IL7: variants seen among roughly 807,000 people sequenced by gnomAD.
IL7 encodes the protein interleukin 7, also known as interleukin-7.
Under a neutral mutation model 21.6 loss-of-function variants are expected in IL7, and 3 were observed. The observed-to-expected ratio is 0.14, with a 90% confidence interval of 0.06 to 0.36. IL7 has a LOEUF of 0.36. IL7 is among the 10% of genes least tolerant of loss of function. IL7 has a pLI of 1.00. For synonymous variants in IL7, 62 were observed against 68.1 expected (o/e 0.91, Z 0.44); for missense variants, 175 against 200.2 (o/e 0.87, Z 0.76).
chr8:78,720,889 C>A (rs1191008143), intron 5 of IL7: 1 of 151,714 alleles, frequency 6.6e-6, no homozygotes, highest in Non-Finnish European at 1.5e-5. Flanking sequence ...AGATAAGGAT[C>A]TTTTTTTCCC....
At chr8:78,770,356 A>T (rs1348266350) in intron 2 of IL7, among the ~76,000 whole-genome samples, 2 of 135,104 alleles carry the variant, frequency 1.5e-5, no homozygotes, top group Non-Finnish European at 3.0e-5. Context: ...ATTGGAGCTA[A>T]ACATTGGTAA....
downstream of IL7, among the ~76,000 whole-genome samples, chr8:78,730,715 T>C (rs571200912): frequency 1.3e-5 from 2 of 152,036 alleles, no homozygotes; most frequent in Admixed American, 1.3e-4. Flanking sequence ...CTTTTCCCCT[T>C]AGGAGCTGAA....
chr8:78,789,950 T>C (rs1274768434), intron 2 of IL7, among the ~76,000 whole-genome samples: 3 of 152,098 alleles, frequency 2.0e-5, no homozygotes, highest in Non-Finnish European at 4.4e-5. Flanking sequence ...ATAGTACATC[T>C]GGGTAGAGAT....
intron 2 of IL7, among the ~76,000 whole-genome samples, chr8:78,791,736 C>A (rs191016675): frequency 3.9e-5 from 6 of 152,174 alleles, no homozygotes; most frequent in Admixed American, 3.3e-4. Flanking sequence ...GAAAACGGAT[C>A]TTGAGAGCTA....
chr8:78,804,151 G>A (rs1180228907), intron 1 of IL7, among the ~76,000 whole-genome samples: 1 of 151,980 alleles, frequency 6.6e-6, no homozygotes, highest in African/African-American at 2.4e-5. Flanking sequence ...TTCTGTCCCT[G>A]TCCATTCTAA....
Position 78,708,683 on chromosome 8 carries a change from CTTTTTTTTTTTTTT to C in IL7, n.214+12651_214+12664del, listed in dbSNP as rs199960134. ...TAAAAGATGATTATCTTTTTTTTTT[CTTTTTTTTTTTTTT>C]GAGATGGAGTTTTGCTCTTGTTGCC... On this transcript the variant is annotated intron_variant and non_coding_transcript_variant, in intron 3 of 4. Transcript: ENST00000523959. Among the ~76,000 whole-genome samples the C allele has an allele frequency of 1.8e-3, 212 of 121,040 alleles. 6 individuals are homozygous for C. The South Asian group carries it at 0.039, about 23-fold the overall frequency. 79.4% of individuals were successfully genotyped at this position (121,040 alleles called of 152,430 possible).
chr8:78,757,267 A>G (rs762666295), intron 2 of IL7, among the ~76,000 whole-genome samples: 2 of 151,842 alleles, frequency 1.3e-5, no homozygotes, highest in Non-Finnish European at 2.9e-5. Flanking sequence ...CATGATTTTG[A>G]TTTTTAAAAA....
At chr8:78,713,403 A>G (rs568526543), downstream of IL7, among the ~76,000 whole-genome samples, 1 of 152,110 alleles carries the variant, frequency 6.6e-6, no homozygotes, top group East Asian at 1.9e-4. Flanking sequence ...TTATGTGTAT[A>G]TATTCATGGG....
intron 2 of IL7, among the ~76,000 whole-genome samples, chr8:78,755,423 G>T (rs1343415032): frequency 6.6e-6 from 1 of 151,942 alleles, no homozygotes; most frequent in Non-Finnish European, 1.5e-5. Context: ...GTGTAGTATG[G>T]TCATTTTAAC....
intron 5 of IL7, among the ~76,000 whole-genome samples, chr8:78,734,103 A>G (rs1811497669): frequency 1.3e-5 from 2 of 152,218 alleles, no homozygotes; most frequent in African/African-American, 2.4e-5. Context: ...TGGACATAAT[A>G]ACACTGTTTG....
At chr8:78,724,923 A>G (rs913311610) in intron 3 of IL7, among the ~76,000 whole-genome samples, 1 of 152,020 alleles carries the variant, frequency 6.6e-6, no homozygotes, top group Admixed American at 6.6e-5. Flanking sequence ...AAAACATTGG[A>G]CAATATAAAA....
chr8:78,716,243 C>T (rs1285123569), downstream of IL7, among the ~76,000 whole-genome samples: 2 of 151,528 alleles, frequency 1.3e-5, no homozygotes, highest in East Asian at 4.0e-4. Flanking sequence ...CTGCCTCAGC[C>T]TCCCGAGTAG....
At chr8:78,778,945 G>T (rs1001104329) in intron 2 of IL7, among the ~76,000 whole-genome samples, 1 of 151,922 alleles carries the variant, frequency 6.6e-6, no homozygotes, top group Admixed American at 6.6e-5. Flanking sequence ...ATTTCTCCCT[G>T]AGAGGTCTTC....
intron 2 of IL7, among the ~76,000 whole-genome samples, chr8:78,770,501 G>A (rs1399837840): frequency 6.6e-6 from 1 of 152,024 alleles, no homozygotes; most frequent in Non-Finnish European, 1.5e-5. Flanking sequence ...TAATCAACAA[G>A]TTTAAGATTT....
chr8:78,725,813 A>C (rs181872603), intron 3 of IL7, among the ~76,000 whole-genome samples: 2 of 152,162 alleles, frequency 1.3e-5, no homozygotes, highest in African/African-American at 4.8e-5. Flanking sequence ...TCTTTGCCAC[A>C]ATCTGTGACA....
chr8:78,698,050 TAGTC>T (rs1206370733), intron 3 of IL7, among the ~76,000 whole-genome samples: 3 of 152,180 alleles, frequency 2.0e-5, no homozygotes, highest in African/African-American at 7.2e-5. Context: ...CTGTTCAGAA[TAGTC>T]AGCCCAGTAC....
chr8:78,733,648 T>A lies in IL7; in HGVS notation c.*65A>T, dbSNP rs938782461. ...AAGCATTCCACTCTGAAAAACTGCA[T>A]AAGCAGATAGATTCTTGGAGGATGC... On this transcript the variant is annotated 3_prime_UTR_variant, in exon 6 of 6. Coordinates refer to ENST00000263851, the MANE Select transcript of IL7 (RefSeq NM_000880.4). 13 of 1,543,856 alleles carry A rather than the reference T, an allele frequency of 8.4e-6. No homozygotes were observed. The South Asian group carries it at 1.6e-4, about 19-fold the overall frequency.
intron 3 of IL7, chr8:78,686,648 G>T: frequency 7.1e-7 from 1 of 1,417,908 alleles, no homozygotes; most frequent in South Asian, 1.8e-5. Context: ...CATGTGGAAA[G>T]AAAATAATGA....
chr8:78,791,396 T>G (rs1305707287), intron 2 of IL7, among the ~76,000 whole-genome samples: 1 of 152,166 alleles, frequency 6.6e-6, no homozygotes. Flanking sequence ...TCCCAGCACT[T>G]CGAGAGGCTG....
Sources: allele counts gnomAD v4.1 joint callset (sites outside exome capture counted in the v4.1 genomes callset), GRCh38; gene constraint gnomAD v4.1.1; transcripts MANE v1.5; gene names NCBI Gene and HGNC (gene_info 2026-07-23, HGNC 2026-07-21).